The following BOD1L1 variants were observed in gnomAD, a reference collection of about 807,000 sequenced individuals.
The protein encoded by BOD1L1 is biorientation of chromosomes in cell division 1 like 1, also known as biorientation of chromosomes in cell division protein 1-like 1.
Under a neutral mutation model 240.7 loss-of-function variants are expected in BOD1L1, and 86 were observed. The ratio of observed to expected loss-of-function variants is 0.36; its 90% confidence interval spans 0.30 to 0.43. The LOEUF (loss-of-function observed/expected upper bound fraction) is 0.43, where lower values mean the gene tolerates loss of function less well. Ranked by LOEUF, BOD1L1 falls within the 20% of genes least tolerant of loss-of-function variation. The pLI is 1.00. For synonymous variants in BOD1L1, 1,268 were observed against 1,272.3 expected (o/e 1.00, Z 0.07); for missense variants, 3,554 against 3,643.5 (o/e 0.98, Z 0.63).
rs1022626386 is a variant in BOD1L1, at chr4:13,586,598, G to A, written c.8354-123C>T. 6.0e-5 allele frequency: 31 copies of A among 515,520 alleles called. 1 individual carries two copies. The Middle Eastern group carries it at 1.1e-3, about 18-fold the overall frequency. The allele number at this position is 515,520 out of a possible 1,614,324, so 31.9% of individuals were successfully genotyped here. The stretch of plus-strand genomic sequence containing the variant: ...GGCCTGTGATACAGAGAAGCCAAAA[G>A]TTACTCTATATTTATAATATCATGT... On this transcript the variant is annotated intron_variant, in intron 16 of 25. Transcript: ENST00000040738.
intron 5 of BOD1L1, 126 bp from the exon 6 acceptor site, chr4:13,611,226 T>G: frequency 1.7e-6 from 1 of 604,980 alleles, no homozygotes; most frequent in Non-Finnish European, 2.7e-6. Flanking sequence ...GATGTGAAGA[T>G]TTCAGAAATT....
chr4:13,627,411 G>T lies in BOD1L1; in HGVS notation c.177C>A (p.Asn59Lys), dbSNP rs774897226. The T allele has an allele frequency of 5.7e-6, 8 of 1,393,248 alleles. No individual in the cohort carries two copies. Among genetic ancestry groups the T allele is most frequent in the Non-Finnish European group, 7.5e-6 (8 of 1,059,736 alleles). The allele number at this position is 1,393,248 out of a possible 1,614,324, so 86.3% of individuals were successfully genotyped here. ...GDPQLVAMIV[N>K]HLKSQGLFDQ... ...CGAAGAGCCCCTGGCTCTTGAGGTG[G>T]TTCACGATCATGGCCACGAGCTGCG... is the stretch of plus-strand genomic sequence containing the variant. Residue 59 changes from asparagine to lysine, a missense_variant, in exon 1 of 26, where the codon AAC becomes AAA. By Grantham distance (94) the Asn-to-Lys change is moderately conservative. This residue lies in a region of BOD1L1 where 161 missense variants were observed against 216.4 expected (regional missense o/e 0.74). Transcript: ENST00000040738.
intron 12 of BOD1L1, chr4:13,592,723 T>G (rs1017618044): frequency 1.3e-5 from 2 of 152,364 alleles, no homozygotes; most frequent in African/African-American, 4.8e-5. Flanking sequence ...TGGTGTGGTC[T>G]TCCAGGACTG....
At chr4:13,619,884 T>G (rs1716911367) in intron 2 of BOD1L1, 59 bp downstream of exon 2, 1 of 1,569,998 alleles carries the variant, frequency 6.4e-7, no homozygotes, top group Admixed American at 1.8e-5. Context: ...GCCTCCGCTT[T>G]CAGGCAAAGT....
chr4:13,611,711 A>G (rs1012370136), intron 5 of BOD1L1, among the ~76,000 whole-genome samples: 2 of 152,222 alleles, frequency 1.3e-5, no homozygotes, highest in African/African-American at 4.8e-5. Context: ...CTTGACAAAC[A>G]ATTCTTATTT....
At chr4:13,593,775 T>G (rs1714402554) in intron 12 of BOD1L1, among the ~76,000 whole-genome samples, 1 of 152,162 alleles carries the variant, frequency 6.6e-6, no homozygotes, top group African/African-American at 2.4e-5. Flanking sequence ...GTCAGGGAAA[T>G]AATTTAAAGA....
At chr4:13,574,903 T>C (rs973542614) in intron 25 of BOD1L1, among the ~76,000 whole-genome samples, 1 of 129,182 alleles carries the variant, frequency 7.7e-6, no homozygotes, top group Non-Finnish European at 1.7e-5. Flanking sequence ...CAGATTGATT[T>C]TAAGTTTTTG....
chr4:13,602,902 C>T lies in BOD1L1; in HGVS notation c.3998G>A (p.Arg1333Lys), dbSNP rs762618869. 1.2e-6 allele frequency: 2 copies of T among 1,614,024 alleles called. No individual in the cohort carries two copies. The highest frequency in any genetic ancestry group is 8.5e-7 in the Non-Finnish European group (1 of 1,179,890). The part of the protein sequence containing the change: ...SALPNQSLTV[R>K]ESEVLKTSDS... ...ACTTGTCTTAAGGACTTCTGATTCC[C>T]TAACAGTCAGACTTTGGTTAGGGAG... The change falls in exon 10 of 26, where the codon AGG (arginine) becomes AAG (lysine). Residue 1333 changes from arginine to lysine, a missense_variant. Physicochemically the swap from Arg to Lys is conservative, Grantham distance 26. Around this residue, in one of 2 missense-constraint regions of BOD1L1, gnomAD observed 3,393 missense variants for 3,427.1 expected, o/e 0.99. Transcript: ENST00000040738.
rs545575821 is a variant in BOD1L1, at chr4:13,608,612, C to G, written c.1660G>C (p.Ala554Pro). 6.4e-7 allele frequency: 1 copy of G among 1,558,846 alleles called. No individual in the cohort carries two copies. Residue 554 changes from alanine (A) to proline (P), a missense_variant, in exon 8 of 26, where the codon GCC becomes CCC. By Grantham distance (27) the Ala-to-Pro change is conservative. Around this residue, in one of 2 missense-constraint regions of BOD1L1, gnomAD observed 3,393 missense variants for 3,427.1 expected, o/e 0.99. Transcript: ENST00000040738. ...TCTTTAAGGACTTCTTTAATTCTGG[C>G]GGCTTTAGGTTCCAAACTCTTTGTT... ...SSTKSLEPKA[A>P]RIKEVLKERK...
chr4:13,614,678 T>A lies in BOD1L1; in HGVS notation c.692A>T (p.Glu231Val). 1 of 1,613,938 alleles carries A rather than the reference T, an allele frequency of 6.2e-7. No individual in the cohort carries two copies. Among genetic ancestry groups the A allele is most frequent in the Non-Finnish European group, 8.5e-7 (1 of 1,179,882 alleles). Residue 231 changes from glutamate to valine, a missense_variant, in exon 4 of 26, where the codon GAG (glutamate) becomes GTG (valine). Glu to Val is a moderately radical substitution (Grantham distance 121, BLOSUM62 -2). This residue lies in a region of BOD1L1 where 3,393 missense variants were observed against 3,427.1 expected (regional missense o/e 0.99). Coordinates refer to ENST00000040738, the MANE Select transcript of BOD1L1 (RefSeq NM_148894.3). ...AGATGGAAGTTTTTTTGACGCTCTC[T>A]CACTGGTCTTGGCATTTGATGTTTC... ...STETSNAKTS[E>V]RASKKLPSQP...
At chr4:13,621,538 C>T (rs966507516) in intron 1 of BOD1L1, among the ~76,000 whole-genome samples, 2 of 152,334 alleles carry the variant, frequency 1.3e-5, no homozygotes, top group Admixed American at 1.3e-4. Context: ...TCTATACATG[C>T]TACCATTCGA....
At chr4:13,617,398 TCA>T (rs1716697698) in intron 2 of BOD1L1, among the ~76,000 whole-genome samples, 2 of 152,160 alleles carry the variant, frequency 1.3e-5, no homozygotes, top group Admixed American at 1.3e-4. Flanking sequence ...TAGTCCTTTC[TCA>T]CACAGAGGTC....
rs1175425411 is a variant in BOD1L1, at chr4:13,576,989, A to G, written c.8887T>C (p.Ser2963Pro). Residue 2963 changes from serine (S) to proline (P), a missense_variant and splice_region_variant, in exon 25 of 26, where the codon TCC becomes CCC. Coordinates refer to ENST00000040738, the MANE Select transcript of BOD1L1 (RefSeq NM_148894.3). ...TGGCGTTTTCTTTCTGGCTCTGAGG[A>G]TTCTGTTCAAATAGAAGGGTAACAC... Reference protein sequence around the residue: ...RSLTVSDDAESSEPERKRQKS... With the variant: ...RSLTVSDDAEPSEPERKRQKS... 6.2e-7 allele frequency: 1 copy of G among 1,613,460 alleles called. No individual in the cohort carries two copies. The highest frequency in any genetic ancestry group is 1.7e-5 in the Admixed American group (1 of 59,920).
chr4:13,599,703 C>T lies in BOD1L1; in HGVS notation c.7197G>A (p.Val2399=). Residue 2399 remains valine, a synonymous_variant, in exon 10 of 26, where the codon GTG becomes GTA. Coordinates refer to ENST00000040738, the MANE Select transcript of BOD1L1 (RefSeq NM_148894.3). ...PVRGGKEPGP[V]LAVSTEEGHN... ...GCCCCTCCTCGGTGCTCACTGCCAACACGGGACCCGGTTCTTTGCCTCCCC... is the reference window on the plus strand; with the variant it reads ...GCCCCTCCTCGGTGCTCACTGCCAATACGGGACCCGGTTCTTTGCCTCCCC... 1 of 1,613,800 alleles carries T rather than the reference C, an allele frequency of 6.2e-7. No homozygotes were observed.
At chr4:13,616,973 A>G (rs932946492) in intron 2 of BOD1L1, among the ~76,000 whole-genome samples, 4 of 152,204 alleles carry the variant, frequency 2.6e-5, no homozygotes, top group Non-Finnish European at 5.9e-5. Flanking sequence ...AGGACCGGGC[A>G]TGGTGGCTCA....
intron 5 of BOD1L1, among the ~76,000 whole-genome samples, chr4:13,611,786 T>C (rs954630231): frequency 6.6e-6 from 1 of 152,180 alleles, no homozygotes; most frequent in Admixed American, 6.5e-5. Flanking sequence ...GAAGTTGTAG[T>C]TTAAAATAAA....
chr4:13,589,953 C>A (rs114161250), intron 14 of BOD1L1, among the ~76,000 whole-genome samples: 1 of 152,182 alleles, frequency 6.6e-6, no homozygotes, highest in Non-Finnish European at 1.5e-5. Context: ...GCAGCCTGCA[C>A]GGGTTGTGTG....
At chr4:13,583,912 A>G (rs1021010458) in intron 17 of BOD1L1, among the ~76,000 whole-genome samples, 1 of 152,212 alleles carries the variant, frequency 6.6e-6, no homozygotes, top group African/African-American at 2.4e-5. Flanking sequence ...TGAACAAACA[A>G]GTGAGGGGCT....
At chr4:13,577,663 T>C (rs1278965614) in intron 22 of BOD1L1, 32 bp from the exon 23 acceptor site, 1 of 1,471,744 alleles carries the variant, frequency 6.8e-7, no homozygotes, top group Admixed American at 2.1e-5. Flanking sequence ...TGCATTAATA[T>C]TTTATTACTG....
Sources: allele counts gnomAD v4.1 joint callset (sites outside exome capture counted in the v4.1 genomes callset), GRCh38; gene constraint gnomAD v4.1.1; regional missense constraint gnomAD v4.1.1; transcripts MANE v1.5; gene names NCBI Gene and HGNC (gene_info 2026-07-23, HGNC 2026-07-21).